The following TMPRSS11A variants were observed in gnomAD, a reference collection of about 807,000 sequenced individuals.
The protein encoded by TMPRSS11A is transmembrane serine protease 11A.
A neutral mutation model predicts 58.9 loss-of-function variants in TMPRSS11A; 53 were observed. The observed-to-expected ratio is 0.90, with a 90% CI of 0.72 to 1.13. The LOEUF (loss-of-function observed/expected upper bound fraction) is 1.13, where lower values mean the gene tolerates loss of function less well. Ranked by LOEUF, TMPRSS11A falls within the 50% of genes most tolerant of loss-of-function variation. TMPRSS11A has a pLI of 0.00. For synonymous variants in TMPRSS11A, 167 were observed against 169.8 expected, an observed-to-expected ratio of 0.98 and a Z score of 0.13; for missense variants, 493 against 499.3, an observed-to-expected ratio of 0.99 and a Z score of 0.12.
chr4:67,917,806 A>G (rs1201660412), intron 8 of TMPRSS11A, among the ~76,000 whole-genome samples: 2 of 152,218 alleles, frequency 1.3e-5, no homozygotes, highest in Non-Finnish European at 2.9e-5. Context: ...ACTATGAAGC[A>G]GAGAATGCAA....
Position 67,920,549 on chromosome 4 carries a change from A to ATATATT in TMPRSS11A, c.693-1318_693-1317insAATATA, listed in dbSNP as rs371252656. ...TAATTATATATATATATATATATAT[A>ATATATT]TTTTTTTTTATATATACACACACAC... On this transcript the variant is annotated intron_variant, in intron 7 of 9. Coordinates refer to ENST00000508048, the MANE Select transcript of TMPRSS11A (RefSeq NM_001114387.2). Among the ~76,000 whole-genome samples, 645 of 130,874 alleles carry ATATATT rather than the reference A, an allele frequency of 4.9e-3. 2 individuals are homozygous for ATATATT. Among genetic ancestry groups the ATATATT allele is most frequent in the Middle Eastern group, 0.015 (4 of 260 alleles). The allele number at this position is 130,874 out of a possible 152,430, so 85.9% of individuals were successfully genotyped here.
intron 1 of TMPRSS11A, among the ~76,000 whole-genome samples, chr4:67,956,245 A>G (rs1339406862): frequency 6.6e-6 from 1 of 152,166 alleles, no homozygotes; most frequent in East Asian, 1.9e-4. Context: ...TTAACAATTT[A>G]CTAATGAGGA....
At chr4:67,961,876 C>A (rs1292618010) in intron 1 of TMPRSS11A, among the ~76,000 whole-genome samples, 1 of 152,056 alleles carries the variant, frequency 6.6e-6, no homozygotes, top group Non-Finnish European at 1.5e-5. Flanking sequence ...TGATTCTACC[C>A]TTGTAATTTA....
intron 1 of TMPRSS11A, among the ~76,000 whole-genome samples, chr4:67,955,796 A>G (rs1185792551): frequency 1.3e-5 from 2 of 152,154 alleles, no homozygotes; most frequent in African/African-American, 4.8e-5. Flanking sequence ...TCATGGTACA[A>G]TCTTTAGTAC....
intron 7 of TMPRSS11A, among the ~76,000 whole-genome samples, 156 bp from the exon 8 acceptor site, chr4:67,919,388 A>C (rs1197275544): frequency 1.3e-5 from 2 of 152,220 alleles, no homozygotes; most frequent in African/African-American, 4.8e-5. Flanking sequence ...ATCTATTGCT[A>C]ATGTTTTGAA....
chr4:67,913,830 C>T (rs1324271963), intron 9 of TMPRSS11A, among the ~76,000 whole-genome samples: 1 of 152,222 alleles, frequency 6.6e-6, no homozygotes, highest in African/African-American at 2.4e-5. Context: ...CACCTGATAT[C>T]AATACCATTC....
rs1270442443 is a variant in TMPRSS11A, at chr4:67,944,499, A to C, written c.252+20T>G. ...TCCACTTGCATTATTCTATGATAAA[A>C]AGAAGTTTACCTGACTCACCAAATT... On this transcript the variant is annotated intron_variant, in intron 3 of 9. Coordinates refer to ENST00000508048, the MANE Select transcript of TMPRSS11A (RefSeq NM_001114387.2). 6.3e-7 allele frequency: 1 copy of C among 1,599,782 alleles called. No individual in the cohort carries two copies. Among genetic ancestry groups the C allele is most frequent in the Non-Finnish European group, 8.5e-7 (1 of 1,175,040 alleles).
intron 9 of TMPRSS11A, among the ~76,000 whole-genome samples, chr4:67,913,779 C>T (rs1183638740): frequency 6.6e-6 from 1 of 152,222 alleles, no homozygotes; most frequent in African/African-American, 2.4e-5. Context: ...AGAGGTCGCA[C>T]ATGTGGTACA....
intron 1 of TMPRSS11A, among the ~76,000 whole-genome samples, chr4:67,959,891 A>G (rs1721382295): frequency 6.6e-6 from 1 of 152,244 alleles, no homozygotes; most frequent in Non-Finnish European, 1.5e-5. Flanking sequence ...TGTGCTATTC[A>G]CAATAGCAAG....
At chr4:67,918,770 A>G (rs1720227593) in intron 8 of TMPRSS11A, among the ~76,000 whole-genome samples, 1 of 152,192 alleles carries the variant, frequency 6.6e-6, no homozygotes, top group Non-Finnish European at 1.5e-5. Flanking sequence ...AAATTACATG[A>G]GCCAAATTTG....
chr4:67,958,647 C>T (rs1475009055), intron 1 of TMPRSS11A, among the ~76,000 whole-genome samples: 3 of 152,168 alleles, frequency 2.0e-5, no homozygotes, highest in Non-Finnish European at 4.4e-5. Context: ...AGACTGTGGA[C>T]TTTAGAGTTA....
chr4:67,947,932 TGTTTAAGGGCCCAG>T (rs1481300129), intron 1 of TMPRSS11A, among the ~76,000 whole-genome samples: 1 of 152,230 alleles, frequency 6.6e-6, no homozygotes, highest in Non-Finnish European at 1.5e-5. Context: ...AGAGGATATC[TGTTTAAGGGCCCAG>T]GTCGACTAAC....
In TMPRSS11A at chr4:67,909,683, C is replaced by T. The variant is rs1295242161; in HGVS notation, c.*1659G>A. ...GAATCTCGTCATTTAAAATTCTTAT[C>T]TTAAGAGTTTTCTATCTTAATACAG... On this transcript the variant is annotated 3_prime_UTR_variant, in exon 10 of 10. Coordinates refer to ENST00000508048, the MANE Select transcript of TMPRSS11A (RefSeq NM_001114387.2). 1.3e-5 allele frequency: 2 copies of T among 152,114 alleles called. No homozygotes were observed. The highest frequency in any genetic ancestry group is 2.9e-5 in the Non-Finnish European group (2 of 67,968). 9.4% of individuals were successfully genotyped at this position (152,114 alleles called of 1,614,324 possible).
At chr4:67,911,723 C>T (rs1416116450) in intron 9 of TMPRSS11A, among the ~76,000 whole-genome samples, 3 of 152,028 alleles carry the variant, frequency 2.0e-5, no homozygotes, top group African/African-American at 7.2e-5. Flanking sequence ...GAGTAAACAG[C>T]ACTTAGTTAA....
At chr4:67,922,022 T>G (rs1178252847) in intron 7 of TMPRSS11A, among the ~76,000 whole-genome samples, 3 of 152,232 alleles carry the variant, frequency 2.0e-5, no homozygotes, top group African/African-American at 7.2e-5. Context: ...ATATATTTAA[T>G]AAAATGTATG....
In TMPRSS11A at chr4:67,911,415, T is replaced by C; in HGVS notation, c.1184A>G (p.Gln395Arg). 1 of 1,613,774 alleles carries C rather than the reference T, an allele frequency of 6.2e-7. No homozygotes were observed. Among genetic ancestry groups the C allele is most frequent in the East Asian group, 2.2e-5 (1 of 44,856 alleles). The part of the protein sequence containing the change: ...GIVSWGDNCG[Q>R]KDKPGVYTQV... ...TGTGTAGACTCCAGGCTTGTCCTTTTGACCACAGTTATCTCCCCAGCTTAC... is the reference window on the plus strand; with the variant it reads ...TGTGTAGACTCCAGGCTTGTCCTTTCGACCACAGTTATCTCCCCAGCTTAC... The change falls in exon 10 of 10, where the codon CAA becomes CGA. Residue 395 changes from glutamine (Q) to arginine (R), a missense_variant. Transcript: ENST00000508048.
chr4:67,946,273 A>T (rs1291560515), intron 2 of TMPRSS11A, among the ~76,000 whole-genome samples, 177 bp downstream of exon 2: 1 of 152,190 alleles, frequency 6.6e-6, no homozygotes, highest in Non-Finnish European at 1.5e-5. Context: ...AAGTACTCAC[A>T]TATAATAAGA....
At chr4:67,917,367 C>G (rs949959614) in intron 8 of TMPRSS11A, among the ~76,000 whole-genome samples, 7 of 151,978 alleles carry the variant, frequency 4.6e-5, no homozygotes, top group Non-Finnish European at 8.8e-5. Context: ...TCTTTATTTA[C>G]ATATGTTTTT....
At position 67,933,104 on chromosome 4, in the gene TMPRSS11A, AACACAC is replaced by A. The variant is rs34906854; in HGVS notation, c.253-1050_253-1045del. 1.3e-3 allele frequency among the ~76,000 whole-genome samples: 196 copies of A among 150,266 alleles called. No homozygotes were observed. The South Asian group carries it at 0.025, about 19-fold the overall frequency. ...AAGAAAAACCAACTTGCATGACTGAAACACACACACACACACACACACACAAATATA... is the reference window on the plus strand; with the variant it reads ...AAGAAAAACCAACTTGCATGACTGAAACACACACACACACACACAAATATA... On this transcript the variant is annotated intron_variant, in intron 3 of 9. Coordinates refer to ENST00000508048, the MANE Select transcript of TMPRSS11A (RefSeq NM_001114387.2).
Sources: allele counts gnomAD v4.1 joint callset (sites outside exome capture counted in the v4.1 genomes callset), GRCh38; gene constraint gnomAD v4.1.1; transcripts MANE v1.5; gene names NCBI Gene and HGNC (gene_info 2026-07-23, HGNC 2026-07-21).